GRAP2: variants seen among roughly 807,000 people sequenced by gnomAD.
GRAP2 encodes the protein GRB2-related adapter protein 2.
A neutral mutation model predicts 43.5 loss-of-function variants in GRAP2; 31 were observed. The observed-to-expected ratio is 0.71, with a 90% confidence interval of 0.54 to 0.96. The LOEUF (loss-of-function observed/expected upper bound fraction) is 0.96. Among genes scored for constraint, GRAP2 ranks in the 40% least tolerant of loss-of-function variants. GRAP2 has a pLI of 0.00. For synonymous variants in GRAP2, 156 were observed against 164.8 expected (o/e 0.95, Z 0.41); for missense variants, 371 against 424.4 (o/e 0.87, Z 1.11).
chr22:39,958,574 C>T lies in GRAP2; in HGVS notation c.171-1481C>T, dbSNP rs1184635651. 2.0e-5 allele frequency among the ~76,000 whole-genome samples: 3 copies of T among 152,214 alleles called. No homozygotes were observed. The South Asian group carries it at 6.2e-4, about 32-fold the overall frequency. On this transcript the variant is annotated intron_variant, in intron 3 of 7. Coordinates refer to ENST00000344138, the MANE Select transcript of GRAP2 (RefSeq NM_004810.4). The stretch of plus-strand genomic sequence containing the variant: ...ATGAATGAATGAATGAATGAACGAA[C>T]GAATATGTATTATTGAAACCATGAC...
At chr22:39,897,450 C>G (rs2066470163), upstream of GRAP2, among the ~76,000 whole-genome samples, 1 of 152,004 alleles carries the variant, frequency 6.6e-6, no homozygotes, top group South Asian at 2.1e-4. Context: ...CCAACCACTT[C>G]CCACCACTCA....
intron 1 of GRAP2, among the ~76,000 whole-genome samples, chr22:39,917,824 C>G (rs912199547): frequency 2.6e-5 from 4 of 152,008 alleles, no homozygotes; most frequent in Non-Finnish European, 5.9e-5. Flanking sequence ...TTTCGTAGGC[C>G]CTTTCTTGCT....
chr22:39,931,666 T>TGA (rs1194059817), intron 1 of GRAP2, among the ~76,000 whole-genome samples: 2 of 152,114 alleles, frequency 1.3e-5, no homozygotes, highest in African/African-American at 4.8e-5. Flanking sequence ...GTTATAGGCA[T>TGA]GAGAAAGTAG....
chr22:39,895,587 A>G, the GRAP2 span, among the ~76,000 whole-genome samples: 1 of 152,196 alleles, frequency 6.6e-6, no homozygotes, highest in Non-Finnish European at 1.5e-5. Flanking sequence ...TTTTATATGT[A>G]TAGCTTATGT....
Position 39,938,018 on chromosome 22 carries a change from G to A in GRAP2, c.-14-9075G>A, listed in dbSNP as rs529354903. 1.2e-3 allele frequency among the ~76,000 whole-genome samples: 179 copies of A among 152,246 alleles called. 2 individuals carry two copies. The Middle Eastern group carries it at 0.014, about 12-fold the overall frequency. On this transcript the variant is annotated intron_variant, in intron 1 of 7. Transcript: ENST00000344138. ...GTTAGATTATATAAGCCAGACTGGC[G>A]TTGATTAAAGAAGAGCAAGGTAATA...
chr22:39,902,335 A>T (rs117953720), intron 1 of GRAP2, among the ~76,000 whole-genome samples: 1 of 152,240 alleles, frequency 6.6e-6, no homozygotes, highest in Non-Finnish European at 1.5e-5. Flanking sequence ...CGGAAAGAGT[A>T]TTTAGCAGAA....
At chr22:39,935,859 A>C (rs2066801780) in intron 1 of GRAP2, among the ~76,000 whole-genome samples, 1 of 152,218 alleles carries the variant, frequency 6.6e-6, no homozygotes, top group African/African-American at 2.4e-5. Context: ...GGGCACAGGC[A>C]GTGAGGAAAA....
At chr22:39,927,007 G>A (rs975594549) in intron 1 of GRAP2, among the ~76,000 whole-genome samples, 1 of 152,156 alleles carries the variant, frequency 6.6e-6, no homozygotes, top group African/African-American at 2.4e-5. Context: ...TTTCTGAGGT[G>A]GAATGCACAG....
At chr22:39,918,286 C>T (rs914702027) in intron 1 of GRAP2, among the ~76,000 whole-genome samples, 1 of 152,224 alleles carries the variant, frequency 6.6e-6, no homozygotes, top group Non-Finnish European at 1.5e-5. Context: ...CCAATCCCAA[C>T]TGTTATGAAA....
chr22:39,933,091 C>T (rs2145609499), intron 1 of GRAP2, among the ~76,000 whole-genome samples: 1 of 152,256 alleles, frequency 6.6e-6, no homozygotes, highest in South Asian at 2.1e-4. Context: ...GGGGCAGGCC[C>T]TGAGTAAAGC....
At chr22:39,964,649 T>G in intron 4 of GRAP2, 1 of 606,616 alleles carries the variant, frequency 1.6e-6, no homozygotes, top group Non-Finnish European at 2.9e-6. Context: ...TATAATATCT[T>G]TTGCCACCTA....
intron 1 of GRAP2, among the ~76,000 whole-genome samples, chr22:39,907,721 A>G (rs1205443583): frequency 6.6e-6 from 1 of 152,202 alleles, no homozygotes; most frequent in Non-Finnish European, 1.5e-5. Flanking sequence ...CAGCCTGGGC[A>G]ACAGAGTGAG....
intron 3 of GRAP2, among the ~76,000 whole-genome samples, chr22:39,958,977 T>G (rs138000): frequency 0.55 from 83,031 of 152,048 alleles, 22,909 homozygotes; most frequent in Middle Eastern, 0.62. Flanking sequence ...TATGTCTCAG[T>G]TTCCCAAATT....
At chr22:39,909,307 A>G (rs545411704) in intron 1 of GRAP2, among the ~76,000 whole-genome samples, 144 of 152,366 alleles carry the variant, frequency 9.5e-4, no homozygotes, top group Non-Finnish European at 1.3e-3. Flanking sequence ...GAAATTCCCA[A>G]TACCTGGAAC....
At chr22:39,967,938 T>C in intron 5 of GRAP2, 104 bp from the exon 6 acceptor site, 1 of 1,427,624 alleles carries the variant, frequency 7.0e-7, no homozygotes, top group South Asian at 1.5e-5. Flanking sequence ...AGCTATTTCT[T>C]GGAGCCAGAT....
chr22:39,936,162 GTCTC>G (rs1330538987), intron 1 of GRAP2, among the ~76,000 whole-genome samples: 1 of 152,128 alleles, frequency 6.6e-6, no homozygotes, highest in East Asian at 1.9e-4. Flanking sequence ...CTGTCTGTCT[GTCTC>G]TCTCGACTGT....
At chr22:39,951,122 A>G (rs983124698) in intron 2 of GRAP2, among the ~76,000 whole-genome samples, 1 of 151,886 alleles carries the variant, frequency 6.6e-6, no homozygotes, top group Non-Finnish European at 1.5e-5. Flanking sequence ...TGCTCACTAG[A>G]TGGTGATCTA....
At chr22:39,903,631 C>G (rs1330737439) in intron 1 of GRAP2, among the ~76,000 whole-genome samples, 1 of 152,010 alleles carries the variant, frequency 6.6e-6, no homozygotes, top group Non-Finnish European at 1.5e-5. Context: ...GTACACACCA[C>G]CACACCTGGC....
At chr22:39,957,471 GC>G (rs2067068071) in intron 3 of GRAP2, among the ~76,000 whole-genome samples, 1 of 152,142 alleles carries the variant, frequency 6.6e-6, no homozygotes, top group Non-Finnish European at 1.5e-5. Flanking sequence ...CAAACAGTCG[GC>G]CTTTCCTGCA....
Sources: allele counts gnomAD v4.1 joint callset (sites outside exome capture counted in the v4.1 genomes callset), GRCh38; gene constraint gnomAD v4.1.1; transcripts MANE v1.5; gene names NCBI Gene and HGNC (gene_info 2026-07-23, HGNC 2026-07-21).